The following ARHGEF15 variants were observed in gnomAD, a reference collection of about 807,000 sequenced individuals.
ARHGEF15 encodes Rho guanine nucleotide exchange factor (GEF) 15.
A neutral mutation model predicts 79.7 loss-of-function variants in ARHGEF15; 58 were observed. That is an observed-to-expected ratio of 0.73 (90% CI 0.59 to 0.91). ARHGEF15 has a LOEUF of 0.91. ARHGEF15 is among the 40% of genes least tolerant of loss of function. The pLI is 0.00. For synonymous variants in ARHGEF15, 442 were observed against 456.0 expected (o/e 0.97, Z 0.39); for missense variants, 1,012 against 1,108.1 (o/e 0.91, Z 1.23).
chr17:8,321,219 C>T lies in ARHGEF15; in HGVS notation c.*226C>T. The T allele has an allele frequency of 1.7e-6, 1 of 598,100 alleles. No homozygotes were observed. The allele number at this position is 598,100 out of a possible 1,614,324, so 37.0% of individuals were successfully genotyped here. On this transcript the variant is annotated 3_prime_UTR_variant, in exon 16 of 16. Transcript: ENST00000361926. The stretch of plus-strand genomic sequence containing the variant: ...AATGTGTGGCCAATGGAGACAGAGG[C>T]TTAGTGCAGAGCAGCCAATGGGTAC...
Position 8,313,250 on chromosome 17 carries a change from A to G in ARHGEF15, c.930A>G (p.Gln310=), listed in dbSNP as rs115530616. The G allele has an allele frequency of 4.3e-4, 693 of 1,604,224 alleles. 8 individuals carry two copies. The East Asian group carries it at 0.014, about 31-fold the overall frequency. Residue 310 remains glutamine, a synonymous_variant, in exon 3 of 16, where the codon CAA becomes CAG. Transcript: ENST00000361926. ...DLDLLSEDGI[Q]TGDSPDEAPQ... is the part of the protein sequence containing the mutation. ...ATCTGCTTTCTGAAGATGGAATCCA[A>G]ACAGGTGCAGGGCCTGGGGGAGTGG...
At chr17:8,311,729 G>A (rs74919454) in intron 1 of ARHGEF15, among the ~76,000 whole-genome samples, 1,882 of 150,654 alleles carry the variant, frequency 0.012, 19 homozygotes, top group Middle Eastern at 0.024. Context: ...ACACCCACCC[G>A]GCAAGCACAG....
In ARHGEF15 at chr17:8,312,314, AC is replaced by A. The variant is rs776045914; in HGVS notation, c.276del (p.Ser93HisfsTer89). 2.6e-6 allele frequency: 4 copies of A among 1,538,122 alleles called. No homozygotes were observed. The East Asian group carries it at 9.4e-5, about 36-fold the overall frequency. On this transcript the variant is annotated frameshift_variant, in exon 2 of 16. Transcript: ENST00000361926. LOFTEE classifies it high-confidence loss of function. ...AGCCTCGACTCCCAGACTTCCCCAGACTCACCTTCCAGCACCCCCACACCTA... is the reference window on the plus strand; with the variant it reads ...AGCCTCGACTCCCAGACTTCCCCAGATCACCTTCCAGCACCCCCACACCTA... Reference protein sequence around the residue: ...RASLDSQTSPDSPSSTPTPSP... With the variant: ...RASLDSQTSPXSPSSTPTPSP...
rs1469244952 is a variant in ARHGEF15, at chr17:8,313,045, C to T, written c.725C>T (p.Ser242Phe). The T allele has an allele frequency of 6.2e-7, 1 of 1,613,572 alleles. No homozygotes were observed. Among genetic ancestry groups the T allele is most frequent in the Admixed American group, 1.7e-5 (1 of 60,024 alleles). The change falls in exon 3 of 16, where the codon TCC becomes TTC. Residue 242 changes from serine (S) to phenylalanine (F), a missense_variant. Ser to Phe is a radical substitution (Grantham distance 155, BLOSUM62 -2). Around this residue, in one of 3 missense-constraint regions of ARHGEF15, gnomAD observed 818 missense variants for 882.5 expected, o/e 0.93. Coordinates refer to ENST00000361926, the MANE Select transcript of ARHGEF15 (RefSeq NM_173728.4). ...GTCCCCAGGGTCCCCCGTCGGGCCT[C>T]CCCGCTGCGGACCTCTCGCTCCCGC... is the stretch of plus-strand genomic sequence containing the variant. The part of the protein sequence containing the change: ...EEVPRVPRRA[S>F]PLRTSRSRPH...
At position 8,318,755 on chromosome 17, in the gene ARHGEF15, GC is replaced by G. The variant is rs866103468; in HGVS notation, c.1882del (p.Leu628TrpfsTer14). ...RLRFHKVKAL[P>X]LVSWSRRLEF... ...CTGCCTCCGCTTCCTCGCAGGCCCT[GC>G]CCCTGGTCTCCTGGTCACGGCGCCT... On this transcript the variant is annotated frameshift_variant, in exon 12 of 16. Transcript: ENST00000361926. LOFTEE classifies it high-confidence loss of function. The surrounding 1 kb of genome is among the most constrained non-coding windows in gnomAD (Gnocchi z 5.0). 4.3e-6 allele frequency: 7 copies of G among 1,612,700 alleles called. No homozygotes were observed. The African/African-American group carries it at 8.0e-5, about 18-fold the overall frequency.
At position 8,320,980 on chromosome 17, in the gene ARHGEF15, C is replaced by A; in HGVS notation, c.2513C>A (p.Ala838Asp). 1 of 1,607,604 alleles carries A rather than the reference C, an allele frequency of 6.2e-7. No individual in the cohort carries two copies. Among genetic ancestry groups the A allele is most frequent in the South Asian group, 1.1e-5 (1 of 90,778 alleles). ...GGATCTTCTTCAGGCACCCCCAATG[C>A]CCCCCCACCCTAATGCAGGCTGAGG... ...AVGSSSGTPN[A>D]PPP is the part of the protein sequence containing the mutation. The change falls in exon 16 of 16, where the codon GCC becomes GAC. Residue 838 changes from alanine to aspartate, a missense_variant. This residue lies in a region of ARHGEF15 where 132 missense variants were observed against 124.2 expected (regional missense o/e 1.06). Transcript: ENST00000361926.
intron 9 of ARHGEF15, among the ~76,000 whole-genome samples, chr17:8,316,777 C>T (rs1484785145): frequency 6.6e-6 from 1 of 152,104 alleles, no homozygotes; most frequent in African/African-American, 2.4e-5. Flanking sequence ...TTTCTTCCTC[C>T]TCCTCCTCCT....
Position 8,314,984 on chromosome 17 carries a change from A to T in ARHGEF15, c.1048+20A>T. On this transcript the variant is annotated intron_variant, in intron 5 of 15. Transcript: ENST00000361926. ...AGGATGGTGAGGGCCTCTGGACCTG[A>T]GGGTCCCTGCTGTGACCATCAAGCA... 1 of 1,613,920 alleles carries T rather than the reference A, an allele frequency of 6.2e-7. No homozygotes were observed. Among genetic ancestry groups the T allele is most frequent in the Non-Finnish European group, 8.5e-7 (1 of 1,179,884 alleles).
chr17:8,316,694 T>C (rs891645027), intron 9 of ARHGEF15, among the ~76,000 whole-genome samples: 4 of 152,160 alleles, frequency 2.6e-5, no homozygotes, highest in African/African-American at 7.2e-5. Flanking sequence ...GGGAGATGTT[T>C]AGGGAAAATT....
In ARHGEF15 at chr17:8,318,861, C is replaced by G. The variant is rs1384211574; in HGVS notation, c.1984C>G (p.Leu662Val). 2 of 1,613,450 alleles carry G rather than the reference C, an allele frequency of 1.2e-6. No homozygotes were observed. The highest frequency in any genetic ancestry group is 1.1e-5 in the South Asian group (1 of 91,074). Residue 662 changes from leucine (L) to valine (V), a missense_variant, in exon 12 of 16, where the codon CTT becomes GTT. Leu to Val is a conservative substitution (Grantham distance 32). Coordinates refer to ENST00000361926, the MANE Select transcript of ARHGEF15 (RefSeq NM_173728.4). This position sits in a 1 kb window ranked among gnomAD's most constrained non-coding sequence, Gnocchi z 5.0. Reference protein sequence around the residue: ...LFASRPRFTPLCLLLFSDLLL... With the variant: ...LFASRPRFTPVCLLLFSDLLL... The stretch of plus-strand genomic sequence containing the variant: ...TGCCTCGCGCCCCCGCTTCACCCCT[C>G]TTTGCCTGCTGCTCTTTAGCGACCT...
rs372087919 is a variant in ARHGEF15 at position 8,310,569 on chromosome 17, T to C, written c.-50+226T>C. Among the ~76,000 whole-genome samples the C allele has an allele frequency of 2.0e-4, 31 of 152,164 alleles. 1 individual carries two copies. The highest frequency in any genetic ancestry group is 6.5e-4 in the African/African-American group (27 of 41,500). On this transcript the variant is annotated intron_variant, in intron 1 of 15. Coordinates refer to ENST00000361926, the MANE Select transcript of ARHGEF15 (RefSeq NM_173728.4). ...AGCCAGGCTCTGTGCCATTGCCGTC[T>C]TGTCCTCATCCCTACCCCTGTCCAC...
At chr17:8,317,823 T>C (rs1905124985) in intron 9 of ARHGEF15, among the ~76,000 whole-genome samples, 1 of 152,134 alleles carries the variant, frequency 6.6e-6, no homozygotes, top group Non-Finnish European at 1.5e-5. Flanking sequence ...TCCCAGCACT[T>C]TGGGAGGCCG....
intron 15 of ARHGEF15, 29 bp from the exon 16 acceptor site, chr17:8,320,813 C>G: frequency 6.2e-7 from 1 of 1,610,196 alleles, no homozygotes; most frequent in South Asian, 1.1e-5. Context: ...GCCCCCACCT[C>G]ATTGGAGCCT....
At chr17:8,313,745 G>A (rs1904823970) in intron 4 of ARHGEF15, 190 bp downstream of exon 4, 6 of 520,114 alleles carry the variant, frequency 1.2e-5, no homozygotes, top group Non-Finnish European at 2.0e-5. Flanking sequence ...TGATCTTATA[G>A]AAGGCCGGGC....
At chr17:8,314,581 C>T (rs1006507140) in intron 4 of ARHGEF15, among the ~76,000 whole-genome samples, 3 of 151,960 alleles carry the variant, frequency 2.0e-5, no homozygotes, top group Non-Finnish European at 4.4e-5. Context: ...AGTTCAGGGG[C>T]TCCTCTCTAA....
Position 8,320,871 on chromosome 17 carries a change from C to G in ARHGEF15, c.2404C>G (p.Pro802Ala). ...GCTGAAGGGGCTTCCTGGGGCCTTC[C>G]CTGCCCAGCTGGTGTGTGAAGTCAC... is the stretch of plus-strand genomic sequence containing the variant. ...GWLKGLPGAF[P>A]AQLVCEVTGE... Residue 802 changes from proline (P) to alanine (A), a missense_variant, in exon 16 of 16, where the codon CCT (proline) becomes GCT (alanine). Physicochemically the swap from Pro to Ala is conservative, Grantham distance 27 (BLOSUM62 -1). Around this residue, in one of 3 missense-constraint regions of ARHGEF15, gnomAD observed 132 missense variants for 124.2 expected, o/e 1.06. Transcript: ENST00000361926. The G allele has an allele frequency of 6.2e-7, 1 of 1,613,332 alleles. No homozygotes were observed. The highest frequency in any genetic ancestry group is 8.5e-7 in the Non-Finnish European group (1 of 1,179,930).
chr17:8,320,856 C>A lies in ARHGEF15; in HGVS notation c.2389C>A (p.Leu797Ile), dbSNP rs1488902201. ...TCTTCCCCCAGGTTGGCTGAAGGGG[C>A]TTCCTGGGGCCTTCCCTGCCCAGCT... is the stretch of plus-strand genomic sequence containing the variant. ...HKTPEGWLKG[L>I]PGAFPAQLVC... Residue 797 changes from leucine (L) to isoleucine (I), a missense_variant, in exon 16 of 16, where the codon CTT becomes ATT. Physicochemically the swap from Leu to Ile is conservative, Grantham distance 5. Coordinates refer to ENST00000361926, the MANE Select transcript of ARHGEF15 (RefSeq NM_173728.4). 11 of 1,612,646 alleles carry A rather than the reference C, an allele frequency of 6.8e-6. No individual in the cohort carries two copies. The highest frequency in any genetic ancestry group is 9.3e-6 in the Non-Finnish European group (11 of 1,179,866).
At chr17:8,313,757 C>T (rs946379751) in intron 4 of ARHGEF15, 16 of 477,436 alleles carry the variant, frequency 3.4e-5, no homozygotes, top group Admixed American at 2.3e-4. Flanking sequence ...AGGCCGGGCA[C>T]GGTGGCTTAC....
chr17:8,313,604 T>C (rs775276662), intron 4 of ARHGEF15, 49 bp downstream of exon 4: 1 of 1,580,704 alleles, frequency 6.3e-7, no homozygotes, highest in African/African-American at 1.4e-5. Flanking sequence ...CCACCATGCT[T>C]CTACCTGAGG....
Sources: gnomAD v4.1 joint callset for allele counts (sites outside exome capture counted in the v4.1 genomes callset) on GRCh38, gnomAD v4.1.1 for gene constraint, gnomAD v4.1.1 regional missense constraint, Gnocchi (gnomAD v3.1) non-coding constraint, MANE v1.5 for transcripts, NCBI Gene and HGNC (gene_info 2026-07-23, HGNC 2026-07-21) for gene names.